The following EFCAB6 variants were observed in gnomAD, a reference collection of about 807,000 sequenced individuals.
The protein encoded by EFCAB6 is EF-hand calcium binding domain 6.
Under a neutral mutation model 169.8 loss-of-function variants are expected in EFCAB6, and 156 were observed. That is an observed-to-expected ratio of 0.92 (90% CI 0.81 to 1.05). EFCAB6 has a LOEUF of 1.05. Ranked by LOEUF, EFCAB6 falls within the 50% of genes least tolerant of loss-of-function variation. The pLI, the probability that EFCAB6 is intolerant of heterozygous loss-of-function variation, is 0.00. For synonymous variants in EFCAB6, 698 were observed against 676.4 expected, an observed-to-expected ratio of 1.03 and a Z score of -0.50; for missense variants, 1,800 against 1,829.1, an observed-to-expected ratio of 0.98 and a Z score of 0.29.
At chr22:43,554,727 C>T (rs2048595671) in intron 27 of EFCAB6, 142 bp downstream of exon 27, 2 of 699,768 alleles carry the variant, frequency 2.9e-6, no homozygotes. Context: ...TGTGAATCTT[C>T]AGGAAGATTG....
At position 43,583,308 on chromosome 22, in the gene EFCAB6, C is replaced by G. The variant is rs115937547; in HGVS notation, c.3033-2649G>C. On this transcript the variant is annotated intron_variant, in intron 24 of 31. Coordinates refer to ENST00000262726, the MANE Select transcript of EFCAB6 (RefSeq NM_022785.4). Reference sequence around the variant, plus strand: ...AAAGAAAAGCCCTCTTCTGCTTGCTCTTTGAGATGCTTACAGATTTCATGG... The same window carrying G: ...AAAGAAAAGCCCTCTTCTGCTTGCTGTTTGAGATGCTTACAGATTTCATGG... 5.5e-3 allele frequency among the ~76,000 whole-genome samples: 830 copies of G among 151,350 alleles called. 7 individuals are homozygous for G. The highest frequency in any genetic ancestry group is 0.019 in the African/African-American group (798 of 41,226).
chr22:43,585,192 T>C (rs952834072), intron 24 of EFCAB6, among the ~76,000 whole-genome samples: 3 of 152,116 alleles, frequency 2.0e-5, no homozygotes, highest in South Asian at 4.2e-4. Flanking sequence ...ATGGTTAATA[T>C]GTAAAGTGTT....
chr22:43,785,614 G>A (rs918821818), intron 2 of EFCAB6, among the ~76,000 whole-genome samples: 1 of 151,986 alleles, frequency 6.6e-6, no homozygotes, highest in Non-Finnish European at 1.5e-5. Context: ...AAAAATAAGA[G>A]TAAACTAAAG....
chr22:43,722,200 C>T (rs2059555546), intron 8 of EFCAB6, among the ~76,000 whole-genome samples: 2 of 151,952 alleles, frequency 1.3e-5, no homozygotes, highest in South Asian at 4.2e-4. Flanking sequence ...CAAGGAGATA[C>T]CATCTTACAC....
intron 6 of EFCAB6, among the ~76,000 whole-genome samples, chr22:43,749,644 A>G (rs2060685506): frequency 6.6e-6 from 1 of 151,948 alleles, no homozygotes; most frequent in South Asian, 2.1e-4. Context: ...GGTGATGCTC[A>G]TTTGCCCACC....
intron 18 of EFCAB6, among the ~76,000 whole-genome samples, chr22:43,633,899 C>T (rs1474166041): frequency 2.6e-5 from 4 of 152,216 alleles, no homozygotes; most frequent in Non-Finnish European, 5.9e-5. Context: ...CCCTCTGCCA[C>T]ATCCCCCTGA....
Position 43,797,827 on chromosome 22 carries a change from C to T in EFCAB6, c.-8+11168G>A, listed in dbSNP as rs1030324846. Reference sequence around the variant, plus strand: ...CTGCTTCTCTGCTGCCATCCTCCCCCGGCTCCCTCTGCCTCAACCACACTG... The same window carrying T: ...CTGCTTCTCTGCTGCCATCCTCCCCTGGCTCCCTCTGCCTCAACCACACTG... On this transcript the variant is annotated intron_variant, in intron 2 of 31. Coordinates refer to ENST00000262726, the MANE Select transcript of EFCAB6 (RefSeq NM_022785.4). Among the ~76,000 whole-genome samples the T allele has an allele frequency of 9.2e-5, 14 of 152,178 alleles. No homozygotes were observed. In the South Asian group the frequency reaches 1.0e-3, roughly 11 times the overall value.
intron 1 of EFCAB6, among the ~76,000 whole-genome samples, chr22:43,809,563 C>T (rs889249137): frequency 3.3e-5 from 5 of 152,274 alleles, no homozygotes; most frequent in African/African-American, 1.2e-4. Flanking sequence ...GTCCCTTAAC[C>T]TCTCTGTGTC....
At chr22:43,809,560 A>G (rs1302752840) in intron 1 of EFCAB6, among the ~76,000 whole-genome samples, 1 of 152,130 alleles carries the variant, frequency 6.6e-6, no homozygotes, top group Non-Finnish European at 1.5e-5. Context: ...TAAGTCCCTT[A>G]ACCTCTCTGT....
rs147704303 is a variant in EFCAB6 at position 43,560,267 on chromosome 22, T to C, written c.3421-5171A>G. Among the ~76,000 whole-genome samples, 596 of 151,932 alleles carry C rather than the reference T, an allele frequency of 3.9e-3. 3 individuals carry two copies. Among genetic ancestry groups the C allele is most frequent in the Middle Eastern group, 0.014 (4 of 294 alleles). ...TCAACATTGATATTAAAAAATAACA[T>C]GTGAGAATTACCATGAAATTTTTGG... On this transcript the variant is annotated intron_variant, in intron 26 of 31. Transcript: ENST00000262726.
chr22:43,791,487 T>C (rs1312372247), intron 2 of EFCAB6, among the ~76,000 whole-genome samples: 1 of 151,720 alleles, frequency 6.6e-6, no homozygotes, highest in Non-Finnish European at 1.5e-5. Context: ...GGGCTGAGCC[T>C]TGGGGTCCTC....
intron 10 of EFCAB6, among the ~76,000 whole-genome samples, chr22:43,709,782 A>G (rs2059091878): frequency 6.6e-6 from 1 of 152,226 alleles, no homozygotes; most frequent in Non-Finnish European, 1.5e-5. Flanking sequence ...GTAATTCCTG[A>G]AAAATGTCAC....
chr22:43,547,202 C>T (rs2048109072), intron 27 of EFCAB6, among the ~76,000 whole-genome samples: 1 of 152,092 alleles, frequency 6.6e-6, no homozygotes, highest in South Asian at 2.1e-4. Context: ...ATGTCATGTG[C>T]CCTGTAGCGC....
Position 43,534,889 on chromosome 22 carries a change from C to T in EFCAB6, c.4049-17G>A, listed in dbSNP as rs561172867. The T allele has an allele frequency of 1.9e-6, 3 of 1,590,566 alleles. No individual in the cohort carries two copies. The highest frequency in any genetic ancestry group is 2.3e-5 in the East Asian group (1 of 44,432). On this transcript the variant is annotated splice_polypyrimidine_tract_variant and intron_variant, in intron 29 of 31. Coordinates refer to ENST00000262726, the MANE Select transcript of EFCAB6 (RefSeq NM_022785.4). Reference sequence around the variant, plus strand: ...CCACAAGAGCTACAGAAAAAAATGGCAGTTCAATTGGTGGCGATTCATTCA... The same window carrying T: ...CCACAAGAGCTACAGAAAAAAATGGTAGTTCAATTGGTGGCGATTCATTCA...
chr22:43,533,664 C>T (rs1420622676), intron 30 of EFCAB6, among the ~76,000 whole-genome samples: 1 of 152,262 alleles, frequency 6.6e-6, no homozygotes, highest in Non-Finnish European at 1.5e-5. Flanking sequence ...CCCCAGCACA[C>T]AGGCTGTGGG....
intron 17 of EFCAB6, among the ~76,000 whole-genome samples, chr22:43,662,767 AC>A (rs2057068338): frequency 6.6e-6 from 1 of 152,236 alleles, no homozygotes; most frequent in Non-Finnish European, 1.5e-5. Context: ...TAGTCTACCC[AC>A]CAAGCCAGAA....
chr22:43,734,777 A>ATTT (rs560889734), intron 7 of EFCAB6, among the ~76,000 whole-genome samples: 302 of 152,202 alleles, frequency 2.0e-3, no homozygotes, highest in Non-Finnish European at 3.4e-3. Flanking sequence ...AACAGATGCT[A>ATTT]TTTTTTCAAG....
At position 43,746,345 on chromosome 22, in the gene EFCAB6, C is replaced by G. The variant is rs932284617; in HGVS notation, c.507+9421G>C. Among the ~76,000 whole-genome samples, 10 of 151,998 alleles carry G rather than the reference C, an allele frequency of 6.6e-5. No homozygotes were observed. In the South Asian group the frequency reaches 1.5e-3, roughly 22 times the overall value. The stretch of plus-strand genomic sequence containing the variant: ...AAAATGGAGAAAAGAAAGCTGACCC[C>G]GAAAAAATGAGCTAAAGAAACCTAA... On this transcript the variant is annotated intron_variant, in intron 6 of 31. Transcript: ENST00000262726.
In EFCAB6 at chr22:43,593,180, A is replaced by T. The variant is rs1202967807; in HGVS notation, c.2877-2951T>A. Among the ~76,000 whole-genome samples, 3 of 152,240 alleles carry T rather than the reference A, an allele frequency of 2.0e-5. No individual in the cohort carries two copies. In the East Asian group the frequency reaches 5.8e-4, roughly 29 times the overall value. On this transcript the variant is annotated intron_variant, in intron 23 of 31. Transcript: ENST00000262726. ...GTTGTTTGGGAATTTTTACAAGCCG[A>T]TATTTTTGAGGAAACAGAAATTGGT...
Sources: allele counts gnomAD v4.1 joint callset (sites outside exome capture counted in the v4.1 genomes callset), GRCh38; gene constraint gnomAD v4.1.1; transcripts MANE v1.5; gene names NCBI Gene and HGNC (gene_info 2026-07-23, HGNC 2026-07-21).